TIAM1: variants seen among roughly 807,000 people sequenced by gnomAD.
TIAM1 encodes TIAM Rac1 associated GEF 1, also known as rho guanine nucleotide exchange factor TIAM1.
In TIAM1, 65 loss-of-function variants were observed where a neutral mutation model predicts 163.5. The observed-to-expected ratio is 0.40, with a 90% CI of 0.33 to 0.49. The LOEUF (loss-of-function observed/expected upper bound fraction) is 0.49. TIAM1 is among the 20% of genes least tolerant of loss of function. TIAM1 has a pLI of 0.77. For synonymous variants in TIAM1, 833 were observed against 810.1 expected, an observed-to-expected ratio of 1.03 and a Z score of -0.48; for missense variants, 1,789 against 2,044.7, an observed-to-expected ratio of 0.87 and a Z score of 2.41.
intron 12 of TIAM1, among the ~76,000 whole-genome samples, chr21:31,197,539 C>CTCTTTTTTTTT (rs1555886911): frequency 3.2e-4 from 40 of 123,242 alleles, no homozygotes; most frequent in African/African-American, 1.2e-3. Context: ...CCGCGCCCGG[C>CTCTTTTTTTTT]TTTTTTTTTT....
At chr21:31,243,456 G>C (rs1286831715) in intron 6 of TIAM1, among the ~76,000 whole-genome samples, 1 of 151,590 alleles carries the variant, frequency 6.6e-6, no homozygotes, top group Admixed American at 6.6e-5. Flanking sequence ...CAAAGGAGTG[G>C]AGCAAGATAA....
At chr21:31,183,851 C>T (rs745625132) in intron 14 of TIAM1, among the ~76,000 whole-genome samples, 6 of 151,302 alleles carry the variant, frequency 4.0e-5, no homozygotes, top group Non-Finnish European at 7.4e-5. Context: ...CTCACCACCA[C>T]GCCCAGCTAT....
At position 31,521,059 on chromosome 21, in the gene TIAM1, A is replaced by C. The variant is rs2047563376; in HGVS notation, c.-422+37868T>G. ...AAATGCCCAAGGCTTGCTTCCTTTC[A>C]CTCCATCCATGCAGGCACTCAAAGC... On this transcript the variant is annotated intron_variant, in intron 1 of 28. Transcript: ENST00000286827. 2.0e-5 allele frequency among the ~76,000 whole-genome samples: 3 copies of C among 152,116 alleles called. 1 individual carries two copies. The South Asian group carries it at 6.2e-4, about 32-fold the overall frequency.
chr21:31,325,978 G>A (rs897972339), intron 2 of TIAM1, among the ~76,000 whole-genome samples: 43 of 152,114 alleles, frequency 2.8e-4, no homozygotes, highest in African/African-American at 1.0e-3. Context: ...TTGAAGAAGA[G>A]CATCCCTTTG....
intron 2 of TIAM1, among the ~76,000 whole-genome samples, chr21:31,393,112 T>C (rs986684241): frequency 6.6e-6 from 1 of 152,030 alleles, no homozygotes; most frequent in Non-Finnish European, 1.5e-5. Flanking sequence ...CCCACCACCA[T>C]GTCCGGCTAA....
intron 2 of TIAM1, among the ~76,000 whole-genome samples, chr21:31,310,581 G>T (rs2074887540): frequency 6.6e-6 from 1 of 152,124 alleles, no homozygotes; most frequent in Non-Finnish European, 1.5e-5. Context: ...CCCCCATGGA[G>T]GTTAAACTAA....
chr21:31,410,382 G>C (rs536266107), intron 2 of TIAM1, among the ~76,000 whole-genome samples: 1 of 152,008 alleles, frequency 6.6e-6, no homozygotes, highest in South Asian at 2.1e-4. Context: ...GTAAGAGTGT[G>C]TGTGACGGTA....
At chr21:31,169,782 T>A (rs150584857) in intron 15 of TIAM1, among the ~76,000 whole-genome samples, 6 of 150,964 alleles carry the variant, frequency 4.0e-5, no homozygotes, top group Non-Finnish European at 5.9e-5. Context: ...AAAAAAAAAA[T>A]ACAAACTGTA....
In TIAM1 at chr21:31,118,641, C is replaced by T. The variant is rs367843718; in HGVS notation, c.*1727G>A. On this transcript the variant is annotated 3_prime_UTR_variant, in exon 28 of 28. Transcript: ENST00000541036. ...GTTGCACTGGAGCCAGTAAATGCGA[C>T]GATTAGAAGCCTCTGCTTCCGTTTT... 4.2e-4 allele frequency: 200 copies of T among 471,062 alleles called. No individual in the cohort carries two copies. Among genetic ancestry groups the T allele is most frequent in the African/African-American group, 2.2e-3 (112 of 50,128 alleles). 29.2% of individuals were successfully genotyped at this position (471,062 alleles called of 1,614,324 possible).
intron 2 of TIAM1, among the ~76,000 whole-genome samples, chr21:31,333,586 C>A (rs1003499903): frequency 6.6e-6 from 1 of 152,130 alleles, no homozygotes; most frequent in African/African-American, 2.4e-5. Context: ...CACAGACATG[C>A]ACCACCACAC....
intron 1 of TIAM1, among the ~76,000 whole-genome samples, chr21:31,531,550 AAAAAG>A (rs749801630): frequency 2.6e-5 from 4 of 152,328 alleles, no homozygotes; most frequent in Non-Finnish European, 4.4e-5. Flanking sequence ...TAGTGAAAGA[AAAAAG>A]AAGAGGAAGA....
intron 1 of TIAM1, among the ~76,000 whole-genome samples, chr21:31,464,742 C>G (rs2045460511): frequency 6.6e-6 from 1 of 150,910 alleles, no homozygotes; most frequent in South Asian, 2.1e-4. Context: ...ACTTGGGTGG[C>G]TGAGGCAGGA....
intron 1 of TIAM1, among the ~76,000 whole-genome samples, chr21:31,522,141 G>C (rs1468403924): frequency 6.6e-6 from 1 of 151,832 alleles, no homozygotes; most frequent in Non-Finnish European, 1.5e-5. Context: ...AAAATGCTGG[G>C]ATTACAGGCG....
intron 2 of TIAM1, among the ~76,000 whole-genome samples, chr21:31,295,928 G>C (rs1353574105): frequency 6.6e-6 from 1 of 152,120 alleles, no homozygotes; most frequent in Non-Finnish European, 1.5e-5. Flanking sequence ...CTCCTGAGTA[G>C]CTAGGATTAC....
chr21:31,203,367 C>T (rs1262708631), intron 11 of TIAM1, among the ~76,000 whole-genome samples: 1 of 152,228 alleles, frequency 6.6e-6, no homozygotes, highest in Non-Finnish European at 1.5e-5. Flanking sequence ...AGGTGATTCA[C>T]CCGCCTTGGC....
intron 1 of TIAM1, among the ~76,000 whole-genome samples, chr21:31,497,143 T>C (rs1312791754): frequency 6.6e-6 from 1 of 152,212 alleles, no homozygotes; most frequent in Non-Finnish European, 1.5e-5. Context: ...CCCTAGGCTA[T>C]CATCCAGCGT....
chr21:31,295,395 A>G lies in TIAM1; in HGVS notation c.-188-18487T>C, dbSNP rs181634582. On this transcript the variant is annotated intron_variant, in intron 2 of 27. Transcript: ENST00000541036. The stretch of plus-strand genomic sequence containing the variant: ...TGAGGCAGGAGAATGGCGTGAACCC[A>G]GGAGGCGGAGCTTGCAGTGCGCCGA... Among the ~76,000 whole-genome samples the G allele has an allele frequency of 9.0e-3, 1,292 of 143,850 alleles. 10 individuals are homozygous for G. The highest frequency in any genetic ancestry group is 0.037 in the Middle Eastern group (10 of 270). The allele number at this position is 143,850 out of a possible 152,430, so 94.4% of individuals were successfully genotyped here. A position where few individuals can be genotyped will look rare whatever the true frequency, so the allele number is the denominator to read the frequency against.
At chr21:31,280,239 G>A (rs1411249133) in intron 2 of TIAM1, among the ~76,000 whole-genome samples, 1 of 152,212 alleles carries the variant, frequency 6.6e-6, no homozygotes, top group African/African-American at 2.4e-5. Flanking sequence ...TGTCATGGGA[G>A]GGACCCAGTG....
chr21:31,277,371 C>T (rs1056482455), intron 2 of TIAM1, among the ~76,000 whole-genome samples: 8 of 152,180 alleles, frequency 5.3e-5, no homozygotes, highest in Admixed American at 4.6e-4. Flanking sequence ...ATGGGCTGGG[C>T]GTGGTGGCTC....
Sources: gnomAD v4.1 joint callset for allele counts (sites outside exome capture counted in the v4.1 genomes callset) on GRCh38, gnomAD v4.1.1 for gene constraint, MANE v1.5 for transcripts, NCBI Gene and HGNC (gene_info 2026-07-23, HGNC 2026-07-21) for gene names.